PRKG1: variants seen among roughly 807,000 people sequenced by gnomAD.
The protein encoded by PRKG1 is cGMP-dependent protein kinase 1.
In PRKG1, 35 loss-of-function variants were observed where a neutral mutation model predicts 88.1. The ratio of observed to expected loss-of-function variants is 0.40; its 90% confidence interval spans 0.30 to 0.53. The LOEUF (loss-of-function observed/expected upper bound fraction) is 0.53. PRKG1 is among the 20% of genes least tolerant of loss of function. The probability of loss-of-function intolerance (pLI) is 0.59; values close to 1 mark genes in which losing one functional copy is unlikely to be tolerated. For missense variants in PRKG1, 540 were observed against 839.8 expected (o/e 0.64, Z 4.41); for synonymous variants, 303 against 292.5 (o/e 1.04, Z -0.37).
intron 3 of PRKG1, among the ~76,000 whole-genome samples, chr10:51,636,647 T>G (rs1387916042): frequency 6.6e-6 from 1 of 152,182 alleles, no homozygotes; most frequent in Non-Finnish European, 1.5e-5. Context: ...TTGGATAAGA[T>G]CTGGGAAGGC....
In PRKG1 at chr10:52,296,043, G is replaced by A. The variant is rs972127058; in HGVS notation, c.*2143G>A. On this transcript the variant is annotated 3_prime_UTR_variant, in exon 18 of 18. Transcript: ENST00000373980. Reference sequence around the variant, plus strand: ...TTCAAGAGTTTTATATTTTTAATTGGCTTTTTAAAAATATGTAATTCCAAT... The same window carrying A: ...TTCAAGAGTTTTATATTTTTAATTGACTTTTTAAAAATATGTAATTCCAAT... The A allele has an allele frequency of 6.6e-6, 1 of 151,798 alleles. No homozygotes were observed. Among genetic ancestry groups the A allele is most frequent in the African/African-American group, 2.4e-5 (1 of 41,334 alleles). 9.4% of individuals were successfully genotyped at this position (151,798 alleles called of 1,614,324 possible).
intron 2 of PRKG1, among the ~76,000 whole-genome samples, chr10:51,164,630 A>G (rs1846477256): frequency 6.6e-6 from 1 of 152,204 alleles, no homozygotes; most frequent in African/African-American, 2.4e-5. Context: ...AACCAAAGGC[A>G]AAGAAGTTAA....
intron 2 of PRKG1, among the ~76,000 whole-genome samples, chr10:51,427,563 C>T (rs946014795): frequency 1.5e-4 from 23 of 152,190 alleles, no homozygotes; most frequent in Admixed American, 1.1e-3. Context: ...GCTCAGGCCA[C>T]AACTGGTTGA....
At chr10:51,553,116 T>C (rs1837183156) in intron 3 of PRKG1, among the ~76,000 whole-genome samples, 1 of 151,696 alleles carries the variant, frequency 6.6e-6, no homozygotes, top group Non-Finnish European at 1.5e-5. Context: ...ATCTGAACTT[T>C]GTTTAAAGTT....
At chr10:51,633,116 C>G (rs1839568588) in intron 3 of PRKG1, among the ~76,000 whole-genome samples, 1 of 152,122 alleles carries the variant, frequency 6.6e-6, no homozygotes, top group South Asian at 2.1e-4. Context: ...AGCAAACGTA[C>G]TGTGGTTCCA....
At chr10:52,150,149 A>AAATAATAATTATAATAAT (rs1837863831) in intron 8 of PRKG1, among the ~76,000 whole-genome samples, 1 of 82,400 alleles carries the variant, frequency 1.2e-5, no homozygotes, top group Non-Finnish European at 3.1e-5. Flanking sequence ...CTCCATCTCA[A>AAATAATAATTATAATAAT]AATAATAATA....
At chr10:51,535,970 G>T (rs891134361) in intron 3 of PRKG1, among the ~76,000 whole-genome samples, 1 of 152,138 alleles carries the variant, frequency 6.6e-6, no homozygotes, top group Admixed American at 6.5e-5. Flanking sequence ...TGATCCACCC[G>T]CCTCAGCTTC....
At chr10:52,122,795 A>G (rs1451962667) in intron 7 of PRKG1, among the ~76,000 whole-genome samples, 4 of 152,212 alleles carry the variant, frequency 2.6e-5, no homozygotes, top group African/African-American at 9.6e-5. Context: ...AAAGAATATT[A>G]TCTGTAATGA....
chr10:51,587,248 A>AAT (rs1838195787), intron 3 of PRKG1, among the ~76,000 whole-genome samples: 2 of 152,180 alleles, frequency 1.3e-5, no homozygotes, highest in African/African-American at 4.8e-5. Context: ...TAATATTAAT[A>AAT]GTAGTAATAA....
At chr10:51,564,225 A>G (rs1447548924) in intron 3 of PRKG1, among the ~76,000 whole-genome samples, 1 of 149,088 alleles carries the variant, frequency 6.7e-6, no homozygotes, top group African/African-American at 2.6e-5. Context: ...AAACAAAACA[A>G]AACAAAACAA....
At chr10:52,232,228 G>A (rs575440746) in intron 9 of PRKG1, among the ~76,000 whole-genome samples, 148 of 152,084 alleles carry the variant, frequency 9.7e-4, no homozygotes, top group Non-Finnish European at 1.9e-3. Flanking sequence ...GCTCGAACCC[G>A]GGAGGTGGAG....
intron 3 of PRKG1, among the ~76,000 whole-genome samples, chr10:51,623,394 A>C (rs1839258079): frequency 1.3e-5 from 2 of 152,010 alleles, no homozygotes. Flanking sequence ...TAGAGACGGG[A>C]TCTCCCTATG....
upstream of PRKG1, chr10:51,074,398 C>T: frequency 2.2e-6 from 3 of 1,393,702 alleles, no homozygotes; most frequent in Non-Finnish European, 2.9e-6. Flanking sequence ...GAAGTGGAAT[C>T]TGCACTGAAA....
At chr10:51,867,142 G>T (rs1317490942) in intron 4 of PRKG1, among the ~76,000 whole-genome samples, 6 of 152,072 alleles carry the variant, frequency 3.9e-5, no homozygotes, top group East Asian at 3.9e-4. Context: ...AATCATTCTA[G>T]GCAGAGAAGT....
chr10:52,219,561 C>G (rs1019632589), intron 9 of PRKG1, among the ~76,000 whole-genome samples: 1 of 152,116 alleles, frequency 6.6e-6, no homozygotes, highest in African/African-American at 2.4e-5. Flanking sequence ...TGCCTAATAA[C>G]AAACAACAAA....
intron 3 of PRKG1, among the ~76,000 whole-genome samples, chr10:51,587,473 G>C (rs1460043509): frequency 6.6e-6 from 1 of 152,152 alleles, no homozygotes; most frequent in African/African-American, 2.4e-5. Context: ...ATGTTTTTAA[G>C]TTAATCCTTA....
At chr10:52,267,602 G>T (rs1297836813) in intron 10 of PRKG1, among the ~76,000 whole-genome samples, 1 of 151,900 alleles carries the variant, frequency 6.6e-6, no homozygotes, top group African/African-American at 2.4e-5. Flanking sequence ...ACACATTTCT[G>T]ATTGTCTCTT....
chr10:52,285,673 TTAGA>T (rs1468870016), intron 14 of PRKG1, among the ~76,000 whole-genome samples: 9 of 152,074 alleles, frequency 5.9e-5, no homozygotes, highest in Non-Finnish European at 1.5e-5. Context: ...GAGGAAGTGT[TTAGA>T]TAAACTCTTA....
At chr10:51,996,128 C>T (rs2454549) in intron 5 of PRKG1, among the ~76,000 whole-genome samples, 136,101 of 151,594 alleles carry the variant, frequency 0.9, 61,223 homozygotes, top group East Asian at 1. Flanking sequence ...CTGGCCAATC[C>T]GGTGAAACAC....
Sources: allele counts gnomAD v4.1 joint callset (sites outside exome capture counted in the v4.1 genomes callset), GRCh38; gene constraint gnomAD v4.1.1; transcripts MANE v1.5; gene names NCBI Gene and HGNC (gene_info 2026-07-23, HGNC 2026-07-21).